The following CALN1 variants were observed in gnomAD, a reference collection of about 807,000 sequenced individuals.
CALN1 encodes calneuron 1, also known as calcium-binding protein 8.
In CALN1, 17 loss-of-function variants were observed where a neutral mutation model predicts 30.6. The observed-to-expected ratio is 0.56, with a 90% CI of 0.38 to 0.83. The LOEUF is 0.83. CALN1 is among the 40% of genes least tolerant of loss of function. The probability of loss-of-function intolerance (pLI) is 0.00; values close to 1 mark genes in which losing one functional copy is unlikely to be tolerated. For synonymous variants in CALN1, 156 were observed against 131.4 expected, an observed-to-expected ratio of 1.19 and a Z score of -1.28; for missense variants, 291 against 354.9, an observed-to-expected ratio of 0.82 and a Z score of 1.45.
intron 3 of CALN1, among the ~76,000 whole-genome samples, chr7:72,185,679 G>C (rs1790136917): frequency 6.6e-6 from 1 of 152,162 alleles, no homozygotes; most frequent in Admixed American, 6.5e-5. Context: ...TTGTGGGAGG[G>C]ACACAGTGGG....
At chr7:72,148,317 C>T (rs1160926723) in intron 3 of CALN1, among the ~76,000 whole-genome samples, 3 of 150,310 alleles carry the variant, frequency 2.0e-5, no homozygotes, top group Admixed American at 6.6e-5. Flanking sequence ...CTTGTAATCC[C>T]AGCACTTTGG....
chr7:72,395,685 G>A (rs1415308815), intron 2 of CALN1, among the ~76,000 whole-genome samples: 3 of 152,132 alleles, frequency 2.0e-5, no homozygotes, highest in Admixed American at 6.5e-5. Context: ...TCTCCAGGAG[G>A]GTGAAAGAGT....
intron 3 of CALN1, among the ~76,000 whole-genome samples, chr7:72,181,497 T>A (rs1279072862): frequency 3.9e-4 from 1 of 2,534 alleles, no homozygotes; most frequent in African/African-American, 4.3e-4. Flanking sequence ...TTTTTTTTTT[T>A]TTTGAGAGTC....
intron 2 of CALN1, among the ~76,000 whole-genome samples, chr7:72,322,556 G>A (rs1263583878): frequency 1.3e-5 from 2 of 152,022 alleles, no homozygotes; most frequent in East Asian, 1.9e-4. Flanking sequence ...AATAAACCAG[G>A]CACAGAAAGA....
intron 2 of CALN1, among the ~76,000 whole-genome samples, chr7:72,342,147 C>G (rs1802414684): frequency 6.6e-6 from 1 of 151,524 alleles, no homozygotes; most frequent in African/African-American, 2.4e-5. Flanking sequence ...GTAGTCCTAA[C>G]TACTCAGGAG....
At position 72,420,780 on chromosome 7, in the gene CALN1, C is replaced by T. The variant is rs180851552; in HGVS notation, c.-225-8505G>A. 8.7e-3 allele frequency among the ~76,000 whole-genome samples: 1,320 copies of T among 151,970 alleles called. 21 individuals are homozygous for T. The highest frequency in any genetic ancestry group is 0.03 in the African/African-American group (1,234 of 41,464). The stretch of plus-strand genomic sequence containing the variant: ...GACTACAGGAGCCCGCCACTACGCC[C>T]GGCTAATTTTTTGTATTTTTAGTAG... On this transcript the variant is annotated intron_variant, in intron 1 of 6. Transcript: ENST00000395276.
At chr7:71,854,533 G>A (rs1343865777) in intron 5 of CALN1, among the ~76,000 whole-genome samples, 1 of 152,196 alleles carries the variant, frequency 6.6e-6, no homozygotes, top group Non-Finnish European at 1.5e-5. Flanking sequence ...CTGCATTGTG[G>A]TTACATGCAT....
intron 2 of CALN1, among the ~76,000 whole-genome samples, chr7:72,368,375 A>G (rs907239047): frequency 2.0e-4 from 30 of 152,008 alleles, no homozygotes; most frequent in African/African-American, 6.8e-4. Context: ...CAGAAAGCAC[A>G]TAAGATGGCA....
intron 2 of CALN1, among the ~76,000 whole-genome samples, chr7:72,322,427 C>T (rs1800951497): frequency 6.6e-6 from 1 of 152,150 alleles, no homozygotes; most frequent in Non-Finnish European, 1.5e-5. Context: ...GGCCATGGAC[C>T]AGTCAGTACC....
chr7:72,044,599 C>CTTTTTTTTTTTTTT (rs549079139), intron 4 of CALN1, among the ~76,000 whole-genome samples: 9 of 96,688 alleles, frequency 9.3e-5, no homozygotes, highest in African/African-American at 3.7e-4. Flanking sequence ...CCGCTTAAAA[C>CTTTTTTTTTTTTTT]TTTTTTTTTT....
chr7:72,162,579 C>CA (rs1322069401), intron 3 of CALN1, among the ~76,000 whole-genome samples: 128 of 147,190 alleles, frequency 8.7e-4, no homozygotes, highest in African/African-American at 2.1e-3. Context: ...ACTAAAAATA[C>CA]AAAAAAAAAA....
At chr7:72,361,567 T>C (rs1803570041) in intron 2 of CALN1, among the ~76,000 whole-genome samples, 2 of 152,148 alleles carry the variant, frequency 1.3e-5, no homozygotes, top group Non-Finnish European at 2.9e-5. Context: ...TTTGTACATG[T>C]AAATGTTTTA....
chr7:71,873,407 G>T (rs1057052011), intron 5 of CALN1, among the ~76,000 whole-genome samples: 1 of 152,032 alleles, frequency 6.6e-6, no homozygotes, highest in African/African-American at 2.4e-5. Context: ...AATAAAGAAG[G>T]CAGTTATTGC....
chr7:72,154,255 C>T (rs1247258539), intron 3 of CALN1, among the ~76,000 whole-genome samples: 5 of 151,864 alleles, frequency 3.3e-5, no homozygotes, highest in African/African-American at 1.2e-4. Flanking sequence ...GGGCATACTA[C>T]GGGATTATGG....
chr7:72,486,089 G>A, the CALN1 span, among the ~76,000 whole-genome samples: 1 of 152,078 alleles, frequency 6.6e-6, no homozygotes, highest in Non-Finnish European at 1.5e-5. Flanking sequence ...AGATGATACA[G>A]CCTATTGCTC....
At chr7:72,473,708 G>A in the CALN1 span, among the ~76,000 whole-genome samples, 14 of 152,174 alleles carry the variant, frequency 9.2e-5, no homozygotes, top group Admixed American at 5.9e-4. Flanking sequence ...CAAGGCAGGC[G>A]GATCACCTAA....
chr7:71,988,118 T>C (rs1262637668), intron 5 of CALN1, among the ~76,000 whole-genome samples: 1 of 152,160 alleles, frequency 6.6e-6, no homozygotes, highest in African/African-American at 2.4e-5. Flanking sequence ...ATCACCACCA[T>C]CATTGTCGTC....
At chr7:72,067,049 A>G (rs1414629997) in intron 4 of CALN1, among the ~76,000 whole-genome samples, 1 of 151,458 alleles carries the variant, frequency 6.6e-6, no homozygotes, top group Non-Finnish European at 1.5e-5. Flanking sequence ...TCGGCCTCCC[A>G]AAGTGCTGGG....
upstream of CALN1, among the ~76,000 whole-genome samples, chr7:72,414,443 A>G (rs761170470): frequency 5.6e-4 from 85 of 152,274 alleles, no homozygotes; most frequent in Non-Finnish European, 9.6e-4. Context: ...ATGCCAGACC[A>G]GGGGTCCTGG....
Sources: gnomAD v4.1 joint callset for allele counts (sites outside exome capture counted in the v4.1 genomes callset) on GRCh38, gnomAD v4.1.1 for gene constraint, MANE v1.5 for transcripts, NCBI Gene and HGNC (gene_info 2026-07-23, HGNC 2026-07-21) for gene names.